The following ASIC3 variants were observed in gnomAD, a reference collection of about 807,000 sequenced individuals.
ASIC3 encodes acid sensing ion channel subunit 3.
A neutral mutation model predicts 58.6 loss-of-function variants in ASIC3; 46 were observed. The ratio of observed to expected loss-of-function variants is 0.79; its 90% confidence interval spans 0.62 to 1.00. The LOEUF (loss-of-function observed/expected upper bound fraction) is 1.00, where lower values mean the gene tolerates loss of function less well. Among genes scored for constraint, ASIC3 ranks in the 50% least tolerant of loss-of-function variants. The pLI is 0.00. For missense variants in ASIC3, 770 were observed against 735.0 expected (o/e 1.05, Z -0.55); for synonymous variants, 336 against 300.2 (o/e 1.12, Z -1.23).
At position 151,050,107 on chromosome 7, in the gene ASIC3, T is replaced by C; in HGVS notation, c.536T>C (p.Ile179Thr). Residue 179 changes from isoleucine (I) to threonine (T), a missense_variant and splice_region_variant, in exon 2 of 11, where the codon ATC (isoleucine) becomes ACC (threonine). Physicochemically the swap from Ile to Thr is moderately conservative, Grantham distance 89. Transcript: ENST00000349064. Reference sequence around the variant, plus strand: ...CATCACCCTGTCTGCCCGCCCCAGATCTTCACCCGGATGGGAAAGTGCTAC... The same window carrying C: ...CATCACCCTGTCTGCCCGCCCCAGACCTTCACCCGGATGGGAAAGTGCTAC... ...QPCGPENFTT[I>T]FTRMGKCYTF... 2 of 1,614,078 alleles carry C rather than the reference T, an allele frequency of 1.2e-6. No homozygotes were observed. Among genetic ancestry groups the C allele is most frequent in the East Asian group, 4.5e-5 (2 of 44,880 alleles).
Position 151,050,876 on chromosome 7 carries a change from C to T in ASIC3, c.932C>T (p.Thr311Ile). The change falls in exon 4 of 11, where the codon ACC becomes ATC. Residue 311 changes from threonine to isoleucine, a missense_variant. By Grantham distance (89) the Thr-to-Ile change is moderately conservative. Transcript: ENST00000349064. ...AGCCCCAGCCCCAGCCCTCCCTATA[C>T]CCTTATGGGGTGTCGCCTGGCCTGC... ...SPSPSPSPPY[T>I]LMGCRLACET... The T allele has an allele frequency of 2.5e-6, 4 of 1,613,442 alleles. No homozygotes were observed. In the South Asian group the frequency reaches 4.4e-5, roughly 18 times the overall value.
chr7:151,049,995 C>T (rs767163452), intron 1 of ASIC3, 111 bp from the exon 2 acceptor site: 33 of 1,413,098 alleles, frequency 2.3e-5, no homozygotes, highest in Admixed American at 3.7e-5. Context: ...CATTGAGATG[C>T]GGGCTTCAGT....
chr7:151,049,487 C>T, intron 1 of ASIC3, 68 bp downstream of exon 1: 4 of 1,504,306 alleles, frequency 2.7e-6, no homozygotes, highest in African/African-American at 1.4e-5. Context: ...CCAGCACCCA[C>T]AATTCCCTAG....
chr7:151,050,722 T>G (rs776059505), intron 3 of ASIC3, 36 bp from the exon 4 acceptor site: 14 of 1,607,862 alleles, frequency 8.7e-6, no homozygotes, highest in Middle Eastern at 1.7e-4. Context: ...CCTCTCACGC[T>G]CTCCGGGAAG....
Position 151,051,083 on chromosome 7 carries a change from C to T in ASIC3, c.1054C>T (p.His352Tyr). ...CCCCCAGCAGTACAAGAACTGTGCC[C>T]ACCCGGCCATAGGTAAGGGCGAGCC... ...CSPQQYKNCA[H>Y]PAIDAMLRKD... is the part of the protein sequence containing the mutation. The change falls in exon 5 of 11, where the codon CAC becomes TAC. Residue 352 changes from histidine (H) to tyrosine (Y), a missense_variant. Coordinates refer to ENST00000349064, the MANE Select transcript of ASIC3 (RefSeq NM_004769.4). 6.2e-7 allele frequency: 1 copy of T among 1,612,754 alleles called. No homozygotes were observed. The highest frequency in any genetic ancestry group is 8.5e-7 in the Non-Finnish European group (1 of 1,179,916).
In ASIC3 at chr7:151,049,278, G is replaced by T; in HGVS notation, c.393G>T (p.Arg131=). ...EHAAFLRALG[R]PPAPPGFMPS... The stretch of plus-strand genomic sequence containing the variant: ...CCGCCTTCCTGCGCGCCCTGGGCCG[G>T]CCCCCTGCACCGCCCGGCTTCATGC... Residue 131 remains arginine, a synonymous_variant, in exon 1 of 11, where the codon CGG becomes CGT. Transcript: ENST00000349064. The T allele has an allele frequency of 6.2e-7, 1 of 1,612,190 alleles. No homozygotes were observed. Among genetic ancestry groups the T allele is most frequent in the East Asian group, 2.2e-5 (1 of 44,870 alleles).
upstream of ASIC3, chr7:151,048,511 C>G (rs558929874): frequency 1.2e-5 from 3 of 244,996 alleles, no homozygotes; most frequent in South Asian, 2.8e-4. Context: ...CCCTTTCCCC[C>G]CTACTGCTGA....
Position 151,049,201 on chromosome 7 carries a change from G to A in ASIC3, c.316G>A (p.Asp106Asn), listed in dbSNP as rs368675783. ...PLRRSRLTPN[D>N]LHWAGSALLG... ...GCGCCGCTCGCGCCTAACGCCCAAC[G>A]ACCTGCACTGGGCTGGGTCTGCGCT... The change falls in exon 1 of 11, where the codon GAC (aspartate) becomes AAC (asparagine). Residue 106 changes from aspartate to asparagine, a missense_variant. Physicochemically the swap from Asp to Asn is conservative, Grantham distance 23. Transcript: ENST00000349064. The A allele has an allele frequency of 1.4e-5, 23 of 1,613,174 alleles. No homozygotes were observed. The highest frequency in any genetic ancestry group is 2.2e-5 in the East Asian group (1 of 44,872).
chr7:151,048,916 C>T lies in ASIC3; in HGVS notation c.31C>T (p.Arg11Trp), dbSNP rs554289599. MKPTSGPEEA[R>W]RPASDIRVFA... ...GCCCACCTCAGGCCCAGAGGAGGCC[C>T]GGCGGCCAGCCTCGGACATCCGCGT... is the stretch of plus-strand genomic sequence containing the variant. Residue 11 changes from arginine (R) to tryptophan (W), a missense_variant, in exon 1 of 11, where the codon CGG becomes TGG. Transcript: ENST00000349064. 1.0e-5 allele frequency: 16 copies of T among 1,560,752 alleles called. No homozygotes were observed. Among genetic ancestry groups the T allele is most frequent in the Middle Eastern group, 1.7e-4 (1 of 5,736 alleles).
At position 151,050,836 on chromosome 7, in the gene ASIC3, C is replaced by G. The variant is rs763507427; in HGVS notation, c.892C>G (p.Pro298Ala). The G allele has an allele frequency of 6.2e-7, 1 of 1,613,346 alleles. No individual in the cohort carries two copies. Among genetic ancestry groups the G allele is most frequent in the East Asian group, 2.2e-5 (1 of 44,840 alleles). ...CAACTATGAGCCAGAGCCCTCTGAT[C>G]CCCTAGGCTCCCCCAGCCCCAGCCC... is the stretch of plus-strand genomic sequence containing the variant. ...NPNYEPEPSD[P>A]LGSPSPSPSP... is the part of the protein sequence containing the mutation. Residue 298 changes from proline to alanine, a missense_variant, in exon 4 of 11, where the codon CCC becomes GCC. Physicochemically the swap from Pro to Ala is conservative, Grantham distance 27. Coordinates refer to ENST00000349064, the MANE Select transcript of ASIC3 (RefSeq NM_004769.4).
rs768713899 is a variant in ASIC3, at chr7:151,049,369, C to T, written c.484C>T (p.Leu162=). 6.2e-7 allele frequency: 1 copy of T among 1,610,068 alleles called. No individual in the cohort carries two copies. Among genetic ancestry groups the T allele is most frequent in the Non-Finnish European group, 8.5e-7 (1 of 1,178,246 alleles). Residue 162 remains leucine (L), a synonymous_variant, in exon 1 of 11, where the codon CTG becomes TTG. Coordinates refer to ENST00000349064, the MANE Select transcript of ASIC3 (RefSeq NM_004769.4). ...RAGHSLDDML[L]DCRFRGQPCG... is the part of the protein sequence containing the mutation. ...TGGGCACTCCCTGGATGACATGCTG[C>T]TGGACTGTCGCTTCCGTGGCCAACC...
At position 151,051,991 on chromosome 7, in the gene ASIC3, GGGGGCCAGATGGGGCTGTTCATC is replaced by G. The variant is rs778835123; in HGVS notation, c.1324_1346del (p.Met442ProfsTer13). On this transcript the variant is annotated frameshift_variant, in exon 8 of 11. Transcript: ENST00000349064. LOFTEE classifies it high-confidence loss of function. ...TGACCCTGTCTCCACAGGTGACATTGGGGGCCAGATGGGGCTGTTCATCGGGGCCAGCCTGCTCACCATCCTCG... is the reference window on the plus strand; with the variant it reads ...TGACCCTGTCTCCACAGGTGACATTGGGGGCCAGCCTGCTCACCATCCTCG... 54 of 1,613,580 alleles carry G rather than the reference GGGGGCCAGATGGGGCTGTTCATC, an allele frequency of 3.3e-5. No homozygotes were observed. The South Asian group carries it at 5.7e-4, about 17-fold the overall frequency.
chr7:151,048,671 C>T lies in ASIC3; in HGVS notation c.-215C>T, dbSNP rs1026654315. On this transcript the variant is annotated 5_prime_UTR_variant, in exon 1 of 11. Transcript: ENST00000349064. The stretch of plus-strand genomic sequence containing the variant: ...CCCAGTGGAGCCACCGCCTGTTCCT[C>T]GGGAAGGAACAGTGGGACCTGACCG... 7 of 572,868 alleles carry T rather than the reference C, an allele frequency of 1.2e-5. No homozygotes were observed. The highest frequency in any genetic ancestry group is 1.8e-5 in the Non-Finnish European group (6 of 331,260). The allele number at this position is 572,868 out of a possible 1,614,324, so 35.5% of individuals were successfully genotyped here. A position where few individuals can be genotyped will look rare whatever the true frequency, so the allele number is the denominator to read the frequency against.
intron 1 of ASIC3, 35 bp downstream of exon 1, chr7:151,049,454 CCA>C: frequency 6.5e-7 from 1 of 1,540,612 alleles, no homozygotes; most frequent in Non-Finnish European, 8.7e-7. Context: ...TGCCAGGGAC[CCA>C]GAGAGCCGAC....
rs1429991976 is a variant in ASIC3, at chr7:151,051,336, G to A, written c.1214+17G>A. The stretch of plus-strand genomic sequence containing the variant: ...CTACATCGCGTGAGCTGCGCGGGGC[G>A]GGCGGGCTCCTCCGAGCCGGGGGCT... On this transcript the variant is annotated intron_variant, in intron 6 of 10. Coordinates refer to ENST00000349064, the MANE Select transcript of ASIC3 (RefSeq NM_004769.4). The A allele has an allele frequency of 3.4e-6, 5 of 1,471,220 alleles. No individual in the cohort carries two copies. The African/African-American group carries it at 5.9e-5, about 17-fold the overall frequency. The allele number at this position is 1,471,220 out of a possible 1,614,324, so 91.1% of individuals were successfully genotyped here. A position where few individuals can be genotyped will look rare whatever the true frequency, so the allele number is the denominator to read the frequency against.
rs986265704 is a variant in ASIC3, at chr7:151,052,233, A to G, written c.1454A>G (p.Asn485Ser). ...CACTCCCAAAGGCACTCCAGCACCA[A>G]TCTGGTAACAGCCCCTCTTCTGGAG... ...RQHSQRHSST[N>S]LLQEGLGSHR... The change falls in exon 9 of 11, where the codon AAT becomes AGT. Residue 485 changes from asparagine to serine, a missense_variant. Coordinates refer to ENST00000349064, the MANE Select transcript of ASIC3 (RefSeq NM_004769.4). The surrounding 1 kb of genome is among the most constrained non-coding windows in gnomAD (Gnocchi z 5.0). 1.2e-6 allele frequency: 2 copies of G among 1,614,032 alleles called. No individual in the cohort carries two copies. Among genetic ancestry groups the G allele is most frequent in the South Asian group, 1.1e-5 (1 of 91,084 alleles).
At position 151,051,221 on chromosome 7, in the gene ASIC3, C is replaced by T. The variant is rs767450510; in HGVS notation, c.1116C>T (p.Ser372=). ...GCGCCTGCCCCAACCCGTGCGCCAG[C>T]ACGCGCTACGCCAAGGAGCTCTCCA... The part of the protein sequence containing the change: ...DSCACPNPCA[S]TRYAKELSMV... Residue 372 remains serine, a synonymous_variant, in exon 6 of 11, where the codon AGC becomes AGT. Coordinates refer to ENST00000349064, the MANE Select transcript of ASIC3 (RefSeq NM_004769.4). 5 of 1,578,524 alleles carry T rather than the reference C, an allele frequency of 3.2e-6. No individual in the cohort carries two copies. Among genetic ancestry groups the T allele is most frequent in the Non-Finnish European group, 4.3e-6 (5 of 1,169,490 alleles).
chr7:151,052,428 C>T lies in ASIC3; in HGVS notation c.1471C>T (p.Leu491=), dbSNP rs1796805688. ...CGTCCTCACACAGCTTCAGGAAGGG[C>T]TGGGCAGCCATCGAACCCAAGTTCC... ...HSSTNLLQEG[L]GSHRTQVPHL... Residue 491 remains leucine (L), a synonymous_variant, in exon 10 of 11, where the codon CTG becomes TTG. Transcript: ENST00000349064. This position sits in a 1 kb window ranked among gnomAD's most constrained non-coding sequence, Gnocchi z 5.0. 1.2e-6 allele frequency: 2 copies of T among 1,613,990 alleles called. No individual in the cohort carries two copies. The highest frequency in any genetic ancestry group is 8.5e-7 in the Non-Finnish European group (1 of 1,180,006).
chr7:151,049,995 C>A (rs767163452), intron 1 of ASIC3, 111 bp from the exon 2 acceptor site: 3 of 1,413,234 alleles, frequency 2.1e-6, no homozygotes, highest in East Asian at 4.7e-5. Context: ...CATTGAGATG[C>A]GGGCTTCAGT....
Sources: gnomAD v4.1 joint callset for allele counts on GRCh38, gnomAD v4.1.1 for gene constraint, Gnocchi (gnomAD v3.1) non-coding constraint, MANE v1.5 for transcripts, NCBI Gene and HGNC (gene_info 2026-07-23, HGNC 2026-07-21) for gene names.